Variants in PLSCR2 observed in about 807,000 individuals in gnomAD.
PLSCR2 encodes phospholipid scramblase 2.
Under a neutral mutation model 25.3 loss-of-function variants are expected in PLSCR2, and 18 were observed. The ratio of observed to expected loss-of-function variants is 0.71; its 90% CI spans 0.49 to 1.06. PLSCR2 has a LOEUF of 1.06. Ranked by LOEUF, PLSCR2 falls within the 50% of genes least tolerant of loss-of-function variation. The probability of loss-of-function intolerance (pLI) is 0.00; values close to 1 mark genes in which losing one functional copy is unlikely to be tolerated. For synonymous variants in PLSCR2, 88 were observed against 87.3 expected, an observed-to-expected ratio of 1.01 and a Z score of -0.04; for missense variants, 243 against 269.5, an observed-to-expected ratio of 0.90 and a Z score of 0.69.
intron 4 of PLSCR2, among the ~76,000 whole-genome samples, chr3:146,454,933 T>C (rs1302685389): frequency 1.3e-5 from 2 of 152,180 alleles, no homozygotes; most frequent in African/African-American, 4.8e-5. Flanking sequence ...ATTTCGACCA[T>C]GCCTCTTACA....
At chr3:146,412,577 C>CAGGG (rs1383484238) in intron 2 of PLSCR2, among the ~76,000 whole-genome samples, 2 of 152,104 alleles carry the variant, frequency 1.3e-5, no homozygotes, top group Non-Finnish European at 1.5e-5. Context: ...TTGTTACAAA[C>CAGGG]AAATTTTCGG....
chr3:146,445,961 G>A (rs1006521180), intron 6 of PLSCR2, among the ~76,000 whole-genome samples: 1 of 152,002 alleles, frequency 6.6e-6, no homozygotes, highest in Non-Finnish European at 1.5e-5. Flanking sequence ...TACATCAATT[G>A]CATTATTCAA....
intron 1 of PLSCR2, among the ~76,000 whole-genome samples, chr3:146,476,285 C>A (rs2042280766): frequency 6.6e-6 from 1 of 152,162 alleles, no homozygotes; most frequent in Non-Finnish European, 1.5e-5. Context: ...CACCTGAGAG[C>A]CACATGGGGC....
In PLSCR2 at chr3:146,469,475, T is replaced by C; in HGVS notation, c.-292-9191A>G. 1 of 976,862 alleles carries C rather than the reference T, an allele frequency of 1.0e-6. No homozygotes were observed. The highest frequency in any genetic ancestry group is 1.2e-6 in the Non-Finnish European group (1 of 822,186). The allele number at this position is 976,862 out of a possible 1,614,324, so 60.5% of individuals were successfully genotyped here. A position where few individuals can be genotyped will look rare whatever the true frequency, so the allele number is the denominator to read the frequency against. ...CACCCCAGTCCCATAGGGAGGCGACTGAGAAAGCCGCCCCCTTACCCGTGG... is the reference window on the plus strand; with the variant it reads ...CACCCCAGTCCCATAGGGAGGCGACCGAGAAAGCCGCCCCCTTACCCGTGG... On this transcript the variant is annotated intron_variant, in intron 1 of 8. Coordinates refer to the PLSCR2 transcript ENST00000336685.
At chr3:146,426,900 A>C (rs2039374057) in intron 2 of PLSCR2, among the ~76,000 whole-genome samples, 1 of 152,168 alleles carries the variant, frequency 6.6e-6, no homozygotes, top group Non-Finnish European at 1.5e-5. Flanking sequence ...ATCTTTATGG[A>C]AGAAAGACAA....
exon 6 of PLSCR2, chr3:146,449,354 T>C: frequency 6.4e-7 from 1 of 1,565,308 alleles, no homozygotes; most frequent in Non-Finnish European, 8.7e-7. Flanking sequence ...AATTTGTTCA[T>C]CAAGAGATGT....
At chr3:146,399,979 G>A (rs754478238) in intron 2 of PLSCR2, among the ~76,000 whole-genome samples, 1 of 151,634 alleles carries the variant, frequency 6.6e-6, no homozygotes, top group African/African-American at 2.4e-5. Context: ...CTAGCAAAAC[G>A]AAACAAAACC....
intron 2 of PLSCR2, among the ~76,000 whole-genome samples, chr3:146,410,224 T>C (rs2038800846): frequency 6.6e-6 from 1 of 152,102 alleles, no homozygotes; most frequent in Non-Finnish European, 1.5e-5. Flanking sequence ...TGGATCATCC[T>C]TAAGATGAGA....
chr3:146,459,462 TCA>T (rs1162195410), intron 2 of PLSCR2, among the ~76,000 whole-genome samples: 2 of 152,200 alleles, frequency 1.3e-5, no homozygotes, highest in African/African-American at 4.8e-5. Flanking sequence ...GCTCTGGACC[TCA>T]GTTTCCTCTT....
At chr3:146,474,043 T>C (rs776573961) in intron 1 of PLSCR2, among the ~76,000 whole-genome samples, 164 of 152,300 alleles carry the variant, frequency 1.1e-3, no homozygotes, top group Non-Finnish European at 1.6e-3. Flanking sequence ...TTACTTAGAT[T>C]TGGCTAAAGA....
chr3:146,394,582 A>G (rs957881605), intron 3 of PLSCR2, among the ~76,000 whole-genome samples: 7 of 152,164 alleles, frequency 4.6e-5, no homozygotes, highest in African/African-American at 1.7e-4. Context: ...AACAATTTCT[A>G]TCTATCAACT....
chr3:146,439,658 T>G (rs1401461556), downstream of PLSCR2, among the ~76,000 whole-genome samples: 1 of 152,182 alleles, frequency 6.6e-6, no homozygotes, highest in South Asian at 2.1e-4. Context: ...TTTATTCTAG[T>G]TAGCCATTCA....
chr3:146,448,558 G>A (rs1167315806), intron 6 of PLSCR2, among the ~76,000 whole-genome samples: 1 of 152,150 alleles, frequency 6.6e-6, no homozygotes, highest in Admixed American at 6.5e-5. Flanking sequence ...AGCTAAGGTT[G>A]AAGACCATTT....
intron 4 of PLSCR2, among the ~76,000 whole-genome samples, chr3:146,454,640 A>T (rs2041092827): frequency 6.6e-6 from 1 of 152,192 alleles, no homozygotes; most frequent in Non-Finnish European, 1.5e-5. Context: ...CTTCTCTGAA[A>T]TCATATTTTC....
chr3:146,478,344 A>G (rs973278647), intron 1 of PLSCR2, among the ~76,000 whole-genome samples: 1 of 152,212 alleles, frequency 6.6e-6, no homozygotes, highest in Non-Finnish European at 1.5e-5. Context: ...AAAAACCTTG[A>G]TAAAATGTTA....
chr3:146,459,628 T>C (rs2041438556), intron 2 of PLSCR2, among the ~76,000 whole-genome samples: 1 of 152,184 alleles, frequency 6.6e-6, no homozygotes, highest in Admixed American at 6.5e-5. Flanking sequence ...TAAAAGATCA[T>C]AGAAAACAAT....
exon 5 of PLSCR2, chr3:146,454,063 T>C (rs1459491761): frequency 6.2e-7 from 1 of 1,610,452 alleles, no homozygotes; most frequent in Admixed American, 1.7e-5. Context: ...TTTTAGTACA[T>C]CCTCTCTTTT....
chr3:146,461,689 A>T, upstream of PLSCR2: 1 of 532,606 alleles, frequency 1.9e-6, no homozygotes, highest in Non-Finnish European at 3.3e-6. Flanking sequence ...CTGACTCTGT[A>T]AGGAATTTAG....
intron 2 of PLSCR2, among the ~76,000 whole-genome samples, chr3:146,409,854 G>A (rs2108033773): frequency 1.3e-5 from 2 of 152,238 alleles, no homozygotes; most frequent in South Asian, 4.2e-4. Flanking sequence ...CACTCCCTGG[G>A]GGGCTGGAGT....
Sources: gnomAD v4.1 joint callset for allele counts (sites outside exome capture counted in the v4.1 genomes callset) on GRCh38, gnomAD v4.1.1 for gene constraint, MANE v1.5 for transcripts, NCBI Gene and HGNC (gene_info 2026-07-23, HGNC 2026-07-21) for gene names.